RALYL: variants seen among roughly 807,000 people sequenced by gnomAD.
RALYL encodes the protein RALY RNA binding protein like, also known as RNA-binding Raly-like protein.
A neutral mutation model predicts 35.1 loss-of-function variants in RALYL; 29 were observed. That is an observed-to-expected ratio of 0.83 (90% CI 0.61 to 1.13). The LOEUF is 1.13. Ranked by LOEUF, RALYL falls within the 50% of genes most tolerant of loss-of-function variation. The pLI, the probability that RALYL is intolerant of heterozygous loss-of-function variation, is 0.00. For synonymous variants in RALYL, 120 were observed against 127.6 expected, an observed-to-expected ratio of 0.94 and a Z score of 0.40; for missense variants, 359 against 360.4, an observed-to-expected ratio of 1.00 and a Z score of 0.03.
At chr8:84,632,319 C>A (rs1467114680) in intron 2 of RALYL, among the ~76,000 whole-genome samples, 1 of 151,874 alleles carries the variant, frequency 6.6e-6, no homozygotes, top group Non-Finnish European at 1.5e-5. Flanking sequence ...CCCAAATGAA[C>A]TAAGACACAT....
chr8:84,224,530 T>A (rs1337766166), intron 1 of RALYL, among the ~76,000 whole-genome samples: 1 of 152,118 alleles, frequency 6.6e-6, no homozygotes, highest in Non-Finnish European at 1.5e-5. Flanking sequence ...CACAGAGAAT[T>A]TTTCCTGCAC....
intron 2 of RALYL, among the ~76,000 whole-genome samples, chr8:84,561,593 C>G (rs1264380205): frequency 3.3e-5 from 5 of 151,796 alleles, no homozygotes; most frequent in Admixed American, 2.6e-4. Context: ...TAAAATAGAA[C>G]AATTATAACA....
chr8:84,755,973 G>T (rs573546642), intron 2 of RALYL, among the ~76,000 whole-genome samples: 1 of 152,050 alleles, frequency 6.6e-6, no homozygotes, highest in Middle Eastern at 3.4e-3. Flanking sequence ...TGAAGCTGTG[G>T]TTAAGCTGAT....
intron 4 of RALYL, among the ~76,000 whole-genome samples, chr8:84,848,437 G>GTATATA (rs34063344): frequency 1.6e-3 from 231 of 148,468 alleles, no homozygotes; most frequent in South Asian, 6.4e-3. Flanking sequence ...GTGTGTGTGT[G>GTATATA]TATATATATA....
intron 1 of RALYL, among the ~76,000 whole-genome samples, chr8:84,301,805 TTTAA>T (rs1321919355): frequency 1.3e-5 from 2 of 152,068 alleles, no homozygotes; most frequent in East Asian, 1.9e-4. Context: ...TTATATATAA[TTTAA>T]TTAATCCTAA....
chr8:84,808,192 T>G (rs188647629), intron 4 of RALYL, among the ~76,000 whole-genome samples: 6 of 152,340 alleles, frequency 3.9e-5, no homozygotes, highest in Non-Finnish European at 7.4e-5. Flanking sequence ...AGACGAGAGA[T>G]GAGGATCCAG....
chr8:84,355,632 G>T (rs1350164046), intron 1 of RALYL, among the ~76,000 whole-genome samples: 1 of 150,178 alleles, frequency 6.7e-6, no homozygotes, highest in Non-Finnish European at 1.5e-5. Context: ...TGTGGTAGAG[G>T]GTGAAGGAGA....
At chr8:84,360,778 G>A (rs528270412) in intron 1 of RALYL, among the ~76,000 whole-genome samples, 2 of 152,084 alleles carry the variant, frequency 1.3e-5, no homozygotes, top group African/African-American at 4.8e-5. Flanking sequence ...TTGAGTGTGG[G>A]GATGAATTAG....
At chr8:84,240,021 ACAATAGAAAGCCAATGTTTTAATT>A (rs1162548655) in intron 1 of RALYL, among the ~76,000 whole-genome samples, 112 of 152,348 alleles carry the variant, frequency 7.4e-4, no homozygotes, top group Non-Finnish European at 3.7e-4. Flanking sequence ...TGACAGACCA[ACAATAGAAAGCCAATGTTTTAATT>A]CATTGTGGAA....
At chr8:84,211,898 T>G (rs1819579358) in intron 1 of RALYL, among the ~76,000 whole-genome samples, 2 of 152,142 alleles carry the variant, frequency 1.3e-5, no homozygotes, top group Admixed American at 1.3e-4. Flanking sequence ...TATTTGGTAC[T>G]TGTATACTGC....
At chr8:84,547,255 A>T (rs2060423680) in intron 2 of RALYL, among the ~76,000 whole-genome samples, 1 of 152,018 alleles carries the variant, frequency 6.6e-6, no homozygotes, top group Admixed American at 6.6e-5. Flanking sequence ...TTTATTTTCA[A>T]ATTAACATAG....
chr8:84,591,834 C>G (rs1813369857), intron 2 of RALYL, among the ~76,000 whole-genome samples: 1 of 152,116 alleles, frequency 6.6e-6, no homozygotes, highest in Non-Finnish European at 1.5e-5. Context: ...GTCGAAGTGA[C>G]TTTGAAACTA....
intron 1 of RALYL, among the ~76,000 whole-genome samples, chr8:84,224,995 C>T (rs530315039): frequency 2.0e-4 from 31 of 152,288 alleles, no homozygotes; most frequent in African/African-American, 5.5e-4. Context: ...ACATGTTGAA[C>T]TTCATTTGGA....
Position 84,800,269 on chromosome 8 carries a change from C to T in RALYL, c.333-4501C>T, listed in dbSNP as rs145271663. 5.3e-5 allele frequency among the ~76,000 whole-genome samples: 8 copies of T among 152,318 alleles called. No homozygotes were observed. In the East Asian group the frequency reaches 1.5e-3, roughly 29 times the overall value. ...CAGAATGTCTGAATTCAAATCCCAG[C>T]TCAACCACTTATGAGCTTTGTGATT... is the stretch of plus-strand genomic sequence containing the variant. On this transcript the variant is annotated intron_variant, in intron 3 of 8. Coordinates refer to ENST00000521268, the MANE Select transcript of RALYL (RefSeq NM_173848.7).
chr8:84,223,162 C>CT (rs1394297925), intron 1 of RALYL, among the ~76,000 whole-genome samples: 16 of 108,924 alleles, frequency 1.5e-4, no homozygotes, highest in East Asian at 8.3e-4. Flanking sequence ...CCTTTCTTTC[C>CT]TTCCTCCCTT....
intron 2 of RALYL, among the ~76,000 whole-genome samples, chr8:84,626,168 AC>A (rs1198878021): frequency 6.6e-6 from 1 of 152,162 alleles, no homozygotes; most frequent in African/African-American, 2.4e-5. Flanking sequence ...TGACTTTTGA[AC>A]TTTTGTAATT....
chr8:84,357,691 G>A (rs1469021753), intron 1 of RALYL, among the ~76,000 whole-genome samples: 4 of 149,168 alleles, frequency 2.7e-5, no homozygotes, highest in East Asian at 3.9e-4. Flanking sequence ...GGCATCTATA[G>A]GCTACCATCC....
intron 2 of RALYL, among the ~76,000 whole-genome samples, chr8:84,754,737 A>G (rs1045620555): frequency 6.6e-6 from 1 of 152,140 alleles, no homozygotes. Context: ...CTTTTACTGA[A>G]TGGGGACAGA....
At chr8:84,708,476 C>T (rs11994516) in intron 2 of RALYL, among the ~76,000 whole-genome samples, 11,257 of 152,126 alleles carry the variant, frequency 0.074, 1,013 homozygotes, top group African/African-American at 0.21. Context: ...ATACTTTCAA[C>T]TGTATACAGA....
Sources: gnomAD v4.1 joint callset for allele counts (sites outside exome capture counted in the v4.1 genomes callset) on GRCh38, gnomAD v4.1.1 for gene constraint, MANE v1.5 for transcripts, NCBI Gene and HGNC (gene_info 2026-07-23, HGNC 2026-07-21) for gene names.